GSE1: variants seen among roughly 807,000 people sequenced by gnomAD.
The protein encoded by GSE1 is Gse1 coiled-coil protein, also known as genetic suppressor element 1.
In GSE1, 32 loss-of-function variants were observed where a neutral mutation model predicts 112.6. That is an observed-to-expected ratio of 0.28 (90% CI 0.21 to 0.38). The LOEUF is 0.38. Ranked by LOEUF, GSE1 falls within the 10% of genes least tolerant of loss-of-function variation. The probability of loss-of-function intolerance (pLI) is 1.00; values close to 1 mark genes in which losing one functional copy is unlikely to be tolerated. For synonymous variants in GSE1, 1,115 were observed against 735.6 expected (o/e 1.52, Z -8.35); for missense variants, 2,348 against 1,699.2 (o/e 1.38, Z -6.71).
At chr16:85,647,040 G>A (rs1446336657) in intron 2 of GSE1, among the ~76,000 whole-genome samples, 1 of 152,178 alleles carries the variant, frequency 6.6e-6, no homozygotes, top group Non-Finnish European at 1.5e-5. Context: ...ACAACAGAGG[G>A]GAGCCCTGGT....
intron 1 of GSE1, among the ~76,000 whole-genome samples, chr16:85,276,026 G>C (rs562390719): frequency 1.3e-5 from 2 of 152,266 alleles, no homozygotes; most frequent in Non-Finnish European, 2.9e-5. Context: ...CTGATAAGCA[G>C]TTGAGTCCTG....
Position 85,661,552 on chromosome 16 carries a change from C to G in GSE1, c.2047C>G (p.Gln683Glu). ...PFLAELEKST[Q>E]TILGQQRASL... Reference sequence around the variant, plus strand: ...CCTGGCTGAGCTCGAGAAGTCCACCCAGACCATCCTGGGCCAGCAGCGGGC... The same window carrying G: ...CCTGGCTGAGCTCGAGAAGTCCACCGAGACCATCCTGGGCCAGCAGCGGGC... Residue 683 changes from glutamine (Q) to glutamate (E), a missense_variant, in exon 9 of 16, where the codon CAG (glutamine) becomes GAG (glutamate). Transcript: ENST00000253458. The G allele has an allele frequency of 6.2e-7, 1 of 1,611,902 alleles. No individual in the cohort carries two copies. Among genetic ancestry groups the G allele is most frequent in the East Asian group, 2.2e-5 (1 of 44,850 alleles).
At chr16:85,282,316 G>T (rs576608271) in intron 1 of GSE1, among the ~76,000 whole-genome samples, 3 of 152,204 alleles carry the variant, frequency 2.0e-5, no homozygotes, top group African/African-American at 7.2e-5. Flanking sequence ...GTGAGCCACC[G>T]CGCCCGGCTG....
chr16:85,342,694 G>A (rs1309467280), intron 1 of GSE1, among the ~76,000 whole-genome samples: 1 of 152,120 alleles, frequency 6.6e-6, no homozygotes. Context: ...AAACATCTCT[G>A]AGCCACATCT....
intron 1 of GSE1, chr16:85,283,680 T>C (rs550031507): frequency 5.9e-5 from 9 of 152,398 alleles, no homozygotes; most frequent in Admixed American, 5.9e-4. Flanking sequence ...GGGCGCTGAA[T>C]TGAACGTGGG....
At chr16:85,555,164 T>C, upstream of GSE1, 3 of 985,358 alleles carry the variant, frequency 3.0e-6, no homozygotes, top group Non-Finnish European at 3.6e-6. Context: ...TCGCTTTCAT[T>C]AGGGGAGACA....
chr16:85,360,579 G>A (rs140146446), intron 2 of GSE1, among the ~76,000 whole-genome samples: 100 of 152,292 alleles, frequency 6.6e-4, no homozygotes, highest in South Asian at 2.3e-3. Flanking sequence ...TCCGGCAGGC[G>A]GGCGGGCGCT....
At chr16:85,376,025 C>A (rs1160278744) in intron 2 of GSE1, among the ~76,000 whole-genome samples, 1 of 152,208 alleles carries the variant, frequency 6.6e-6, no homozygotes, top group African/African-American at 2.4e-5. Flanking sequence ...CCAGACCCCA[C>A]ACTCCAACTT....
chr16:85,671,144 G>A, intron 15 of GSE1, 46 bp downstream of exon 15: 2 of 1,144,554 alleles, frequency 1.7e-6, no homozygotes, highest in Non-Finnish European at 2.6e-6. Flanking sequence ...AACCTTTTGA[G>A]TTTGGGTTCA....
chr16:85,231,717 G>A (rs1440463887), intron 1 of GSE1, among the ~76,000 whole-genome samples: 1 of 152,118 alleles, frequency 6.6e-6, no homozygotes, highest in Non-Finnish European at 1.5e-5. Context: ...TCTTCCTCTT[G>A]GTCAGCAACC....
chr16:85,527,046 G>A (rs994044427), intron 2 of GSE1, among the ~76,000 whole-genome samples: 2 of 152,224 alleles, frequency 1.3e-5, no homozygotes, highest in Admixed American at 6.5e-5. Flanking sequence ...GGGAGGGGGT[G>A]GCCCTCTCCC....
chr16:85,219,832 G>GC (rs1317266124), intron 1 of GSE1, among the ~76,000 whole-genome samples: 1 of 152,208 alleles, frequency 6.6e-6, no homozygotes, highest in Non-Finnish European at 1.5e-5. Context: ...TTCACCAAGG[G>GC]CCCCCAAGCC....
chr16:85,197,146 C>T (rs1396238647), intron 1 of GSE1, among the ~76,000 whole-genome samples: 1 of 152,130 alleles, frequency 6.6e-6, no homozygotes, highest in Non-Finnish European at 1.5e-5. Flanking sequence ...CCTGGCCCCT[C>T]GGAGCTCGGA....
At position 85,672,523 on chromosome 16, in the gene GSE1, A is replaced by AGG; in HGVS notation, c.3640_3641dup (p.Tyr1215AspfsTer15). The AGG allele has an allele frequency of 6.2e-7, 1 of 1,608,130 alleles. No individual in the cohort carries two copies. The highest frequency in any genetic ancestry group is 8.5e-7 in the Non-Finnish European group (1 of 1,175,206). On this transcript the variant is annotated frameshift_variant, in exon 16 of 16. Coordinates refer to ENST00000253458, the MANE Select transcript of GSE1 (RefSeq NM_014615.5). LOFTEE classifies it high-confidence loss of function. The stretch of plus-strand genomic sequence containing the variant: ...ATGCACTGGCCTAGGGGCTACCTGA[A>AGG]GGGATATCCCAGGTGACGGTTTCCC...
chr16:85,652,108 G>C (rs532792307), intron 3 of GSE1, among the ~76,000 whole-genome samples: 1 of 152,234 alleles, frequency 6.6e-6, no homozygotes, highest in East Asian at 1.9e-4. Context: ...CACCCTGCTG[G>C]TGCGTCCCCC....
At chr16:85,304,830 A>G (rs867274327) in intron 1 of GSE1, among the ~76,000 whole-genome samples, 2 of 152,176 alleles carry the variant, frequency 1.3e-5, no homozygotes, top group Admixed American at 6.5e-5. Flanking sequence ...CCCTCTTTCA[A>G]CCAGCGTTGT....
At chr16:85,593,913 G>C (rs1018162394) in intron 1 of GSE1, 7 of 152,384 alleles carry the variant, frequency 4.6e-5, no homozygotes, top group African/African-American at 1.7e-4. Flanking sequence ...TCTTCTGGGG[G>C]GGCCGGAGGG....
At chr16:85,566,775 A>G (rs558636768) in intron 1 of GSE1, among the ~76,000 whole-genome samples, 35 of 152,270 alleles carry the variant, frequency 2.3e-4, no homozygotes, top group Non-Finnish European at 4.3e-4. Context: ...AACTGTGTCA[A>G]CCGTTTGCTG....
At chr16:85,213,592 G>C (rs979078611) in intron 1 of GSE1, among the ~76,000 whole-genome samples, 1 of 152,360 alleles carries the variant, frequency 6.6e-6, no homozygotes, top group East Asian at 1.9e-4. Context: ...ACGTGTCCGG[G>C]CTATGGCTCC....
Sources: gnomAD v4.1 joint callset for allele counts (sites outside exome capture counted in the v4.1 genomes callset) on GRCh38, gnomAD v4.1.1 for gene constraint, MANE v1.5 for transcripts, NCBI Gene and HGNC (gene_info 2026-07-23, HGNC 2026-07-21) for gene names.